The following RPGRIP1L variants were observed in gnomAD, a reference collection of about 807,000 sequenced individuals.
RPGRIP1L encodes protein fantom.
RPGRIP1L carries 131 observed loss-of-function variants against 160.4 expected under a neutral mutation model. The ratio of observed to expected loss-of-function variants is 0.82; its 90% CI spans 0.71 to 0.94. The LOEUF (loss-of-function observed/expected upper bound fraction) is 0.94, where lower values mean the gene tolerates loss of function less well. RPGRIP1L is among the 40% of genes least tolerant of loss of function. The probability of loss-of-function intolerance (pLI) is 0.00; values close to 1 mark genes in which losing one functional copy is unlikely to be tolerated. For synonymous variants in RPGRIP1L, 510 were observed against 515.8 expected (o/e 0.99, Z 0.15); for missense variants, 1,522 against 1,535.8 (o/e 0.99, Z 0.15).
chr16:53,615,471 TA>T (rs375938546), intron 24 of RPGRIP1L, among the ~76,000 whole-genome samples: 19,343 of 75,166 alleles, frequency 0.26, 2,496 homozygotes, highest in Admixed American at 0.32. Flanking sequence ...TATATATATA[TA>T]TTTTTTTTTT....
intron 25 of RPGRIP1L, among the ~76,000 whole-genome samples, chr16:53,607,287 CTTT>C (rs1963749990): frequency 6.6e-6 from 1 of 152,122 alleles, no homozygotes; most frequent in African/African-American, 2.4e-5. Context: ...GTTTGCTCTT[CTTT>C]TTAGTAGTAT....
Position 53,600,814 on chromosome 16 carries a change from C to T in RPGRIP1L, c.*1262G>A, listed in dbSNP as rs1370150484. 6.6e-6 allele frequency: 1 copy of T among 152,458 alleles called. No homozygotes were observed. Among genetic ancestry groups the T allele is most frequent in the Non-Finnish European group, 1.5e-5 (1 of 68,010 alleles). 9.4% of individuals were successfully genotyped at this position (152,458 alleles called of 1,614,324 possible). Reference sequence around the variant, plus strand: ...CTTTAATCACACAAAGAGGGAATGCCTAATTCTCTAAATGAAATGGTCTGT... The same window carrying T: ...CTTTAATCACACAAAGAGGGAATGCTTAATTCTCTAAATGAAATGGTCTGT... On this transcript the variant is annotated 3_prime_UTR_variant, in exon 27 of 27. Transcript: ENST00000647211.
At chr16:53,666,274 G>A (rs1393366040) in intron 9 of RPGRIP1L, among the ~76,000 whole-genome samples, 2 of 151,836 alleles carry the variant, frequency 1.3e-5, no homozygotes, top group Non-Finnish European at 2.9e-5. Flanking sequence ...AAAATAAATG[G>A]AATTATGGAA....
chr16:53,683,952 G>A (rs1361757052), intron 6 of RPGRIP1L, among the ~76,000 whole-genome samples: 1 of 152,010 alleles, frequency 6.6e-6, no homozygotes, highest in Non-Finnish European at 1.5e-5. Context: ...TTGAAAACGG[G>A]CCCCTTTCTT....
intron 14 of RPGRIP1L, among the ~76,000 whole-genome samples, chr16:53,654,125 G>A (rs770808557): frequency 1.8e-4 from 27 of 152,132 alleles, no homozygotes; most frequent in Non-Finnish European, 3.5e-4. Flanking sequence ...CACCACACTC[G>A]GCTAATTTTT....
chr16:53,697,604 T>C (rs545845315), intron 2 of RPGRIP1L, among the ~76,000 whole-genome samples: 68 of 152,336 alleles, frequency 4.5e-4, no homozygotes, highest in African/African-American at 1.6e-3. Context: ...CCGCGAGTGA[T>C]CCACCAGCCT....
chr16:53,688,672 G>A (rs1391825659), intron 4 of RPGRIP1L, among the ~76,000 whole-genome samples: 2 of 151,904 alleles, frequency 1.3e-5, no homozygotes, highest in African/African-American at 4.8e-5. Context: ...AGATGATTAA[G>A]GTTTTTAAAT....
intron 22 of RPGRIP1L, among the ~76,000 whole-genome samples, chr16:53,625,344 G>A (rs1965033224): frequency 6.6e-6 from 1 of 151,500 alleles, no homozygotes; most frequent in Admixed American, 6.6e-5. Context: ...CCCCATCTGG[G>A]TGGTGGGGAG....
intron 25 of RPGRIP1L, among the ~76,000 whole-genome samples, chr16:53,605,909 A>G (rs1963653366): frequency 6.6e-6 from 1 of 152,200 alleles, no homozygotes; most frequent in Non-Finnish European, 1.5e-5. Flanking sequence ...ACTCAATTAC[A>G]TACTATCTGA....
chr16:53,647,678 T>C (rs569659916), intron 16 of RPGRIP1L, among the ~76,000 whole-genome samples: 1 of 152,312 alleles, frequency 6.6e-6, no homozygotes, highest in East Asian at 1.9e-4. Context: ...GCTCCATGGA[T>C]TGGAGGTGAA....
chr16:53,679,344 G>A (rs189456067), intron 6 of RPGRIP1L, among the ~76,000 whole-genome samples: 134 of 152,164 alleles, frequency 8.8e-4, no homozygotes, highest in African/African-American at 2.9e-3. Context: ...CCATTTTTAC[G>A]GTCAAGTTTA....
At chr16:53,662,272 G>A (rs1294098941) in intron 10 of RPGRIP1L, among the ~76,000 whole-genome samples, 1 of 152,132 alleles carries the variant, frequency 6.6e-6, no homozygotes, top group Non-Finnish European at 1.5e-5. Context: ...GCATTATGCT[G>A]AATTATGCAT....
At chr16:53,663,294 T>G (rs952953938) in intron 10 of RPGRIP1L, among the ~76,000 whole-genome samples, 1 of 151,940 alleles carries the variant, frequency 6.6e-6, no homozygotes, top group Non-Finnish European at 1.5e-5. Flanking sequence ...TCAGAATTAA[T>G]TCAACGACAA....
At chr16:53,647,179 A>G (rs1598313950) in intron 16 of RPGRIP1L, among the ~76,000 whole-genome samples, 1 of 152,190 alleles carries the variant, frequency 6.6e-6, no homozygotes, top group African/African-American at 2.4e-5. Flanking sequence ...GGCCAGAAAG[A>G]TGGTCTCTGG....
chr16:53,627,733 GT>G (rs1965273711), intron 22 of RPGRIP1L, among the ~76,000 whole-genome samples: 3 of 151,586 alleles, frequency 2.0e-5, no homozygotes, highest in Admixed American at 1.3e-4. Context: ...TGCAATTTCT[GT>G]TTTTTTATAC....
chr16:53,626,299 A>C (rs866410294), intron 22 of RPGRIP1L, among the ~76,000 whole-genome samples: 15 of 152,274 alleles, frequency 9.9e-5, no homozygotes, highest in Non-Finnish European at 1.8e-4. Flanking sequence ...CTAGAGCAAC[A>C]TGACCGGTCA....
At chr16:53,602,428 G>C (rs1248700020) in intron 26 of RPGRIP1L, among the ~76,000 whole-genome samples, 2 of 152,120 alleles carry the variant, frequency 1.3e-5, no homozygotes, top group Non-Finnish European at 2.9e-5. Flanking sequence ...AGCTAATCCT[G>C]AAGTTTACCT....
At chr16:53,625,817 G>C (rs1477285694) in intron 22 of RPGRIP1L, among the ~76,000 whole-genome samples, 1 of 152,040 alleles carries the variant, frequency 6.6e-6, no homozygotes, top group Admixed American at 6.5e-5. Context: ...TTCTGCCTTG[G>C]GATGCTGTTA....
chr16:53,617,118 C>T (rs953052358), intron 24 of RPGRIP1L, among the ~76,000 whole-genome samples: 2 of 114,624 alleles, frequency 1.7e-5, no homozygotes, highest in Non-Finnish European at 3.4e-5. Context: ...AACAAAACAC[C>T]CCAAACAGAC....
Sources: gnomAD v4.1 joint callset for allele counts (sites outside exome capture counted in the v4.1 genomes callset) on GRCh38, gnomAD v4.1.1 for gene constraint, MANE v1.5 for transcripts, NCBI Gene and HGNC (gene_info 2026-07-23, HGNC 2026-07-21) for gene names.